The following SLC22A2 variants were observed in gnomAD, a reference collection of about 807,000 sequenced individuals.
SLC22A2 encodes the protein solute carrier family 22 member 2, also known as organic cation transporter 2.
A neutral mutation model predicts 60.5 loss-of-function variants in SLC22A2; 46 were observed. The ratio of observed to expected loss-of-function variants is 0.76; its 90% CI spans 0.60 to 0.97. SLC22A2 has a LOEUF of 0.97. Among genes scored for constraint, SLC22A2 ranks in the 50% least tolerant of loss-of-function variants. The probability of loss-of-function intolerance (pLI) is 0.00; values close to 1 mark genes in which losing one functional copy is unlikely to be tolerated. For synonymous variants in SLC22A2, 303 were observed against 267.0 expected (o/e 1.13, Z -1.31); for missense variants, 701 against 706.6 (o/e 0.99, Z 0.09).
intron 9 of SLC22A2, among the ~76,000 whole-genome samples, chr6:160,239,921 T>C (rs1246426226): frequency 2.0e-5 from 3 of 152,122 alleles, no homozygotes; most frequent in Non-Finnish European, 2.9e-5. Flanking sequence ...TGGAAAATTT[T>C]CCCCCTCACA....
chr6:160,231,903 T>C (rs1396663565), intron 9 of SLC22A2, among the ~76,000 whole-genome samples: 1 of 151,902 alleles, frequency 6.6e-6, no homozygotes, highest in African/African-American at 2.4e-5. Flanking sequence ...GGAATTCTTA[T>C]ACAAGGACCA....
At chr6:160,235,608 T>C (rs1202110073) in intron 9 of SLC22A2, among the ~76,000 whole-genome samples, 4 of 131,794 alleles carry the variant, frequency 3.0e-5, no homozygotes, top group East Asian at 2.3e-4. Context: ...TGTGTGTGAA[T>C]ATATTGGCTA....
intron 2 of SLC22A2, among the ~76,000 whole-genome samples, chr6:160,256,267 A>T (rs1783270484): frequency 6.6e-6 from 1 of 152,122 alleles, no homozygotes; most frequent in Non-Finnish European, 1.5e-5. Context: ...GCTGATGGCC[A>T]GGTGGATGGT....
Position 160,232,573 on chromosome 6 carries a change from T to A in SLC22A2, c.1502-7769A>T, listed in dbSNP as rs201027412. 2.5e-4 allele frequency among the ~76,000 whole-genome samples: 38 copies of A among 149,646 alleles called. 1 individual carries two copies. The highest frequency in any genetic ancestry group is 9.2e-4 in the African/African-American group (37 of 40,236). ...GGGTCCTCCATCATTAATGCCTCTT[T>A]AAAAAAAAAACATTTCTCAAAGCTG... On this transcript the variant is annotated intron_variant, in intron 9 of 10. Transcript: ENST00000366953.
rs758518577 is a variant in SLC22A2 at position 160,217,410 on chromosome 6, A to T, written c.*22T>A. Reference sequence around the variant, plus strand: ...TTGCTGCCATCAAAGCTAGGTCATGACAGCAGCAACGGTCTCTCTTCTTAG... The same window carrying T: ...TTGCTGCCATCAAAGCTAGGTCATGTCAGCAGCAACGGTCTCTCTTCTTAG... On this transcript the variant is annotated 3_prime_UTR_variant, in exon 11 of 11. Transcript: ENST00000366953. The T allele has an allele frequency of 2.0e-6, 3 of 1,531,232 alleles. No individual in the cohort carries two copies. Among genetic ancestry groups the T allele is most frequent in the South Asian group, 1.1e-5 (1 of 88,336 alleles). The allele number at this position is 1,531,232 out of a possible 1,614,324, so 94.9% of individuals were successfully genotyped here.
intron 7 of SLC22A2, 89 bp from the exon 8 acceptor site, chr6:160,242,491 C>A: frequency 2.5e-6 from 2 of 794,686 alleles, no homozygotes; most frequent in Non-Finnish European, 4.5e-6. Context: ...AGGACAAATT[C>A]CCCATCCCAG....
chr6:160,230,711 C>T (rs954751841), intron 9 of SLC22A2, among the ~76,000 whole-genome samples: 7 of 151,972 alleles, frequency 4.6e-5, no homozygotes, highest in African/African-American at 1.7e-4. Context: ...CTCCAAATGC[C>T]TGAACCGCAG....
Position 160,256,656 on chromosome 6 carries a change from C to A in SLC22A2, c.476G>T (p.Gly159Val). The change falls in exon 2 of 11, where the codon GGA becomes GTA. Residue 159 changes from glycine to valine, a missense_variant. Gly to Val is a moderately radical substitution (Grantham distance 109). Coordinates refer to ENST00000366953, the MANE Select transcript of SLC22A2 (RefSeq NM_003058.4). ...GATACTCATAGAGCCAATAAAGAAT[C>A]CTACATTCACTGATGACTGGAATAG... is the stretch of plus-strand genomic sequence containing the variant. ...LDLFQSSVNV[G>V]FFIGSMSIGY... 6.2e-7 allele frequency: 1 copy of A among 1,614,074 alleles called. No homozygotes were observed. Among genetic ancestry groups the A allele is most frequent in the Non-Finnish European group, 8.5e-7 (1 of 1,179,956 alleles).
intron 10 of SLC22A2, among the ~76,000 whole-genome samples, chr6:160,221,541 G>A (rs1782644536): frequency 6.6e-6 from 1 of 152,188 alleles, no homozygotes; most frequent in South Asian, 2.1e-4. Context: ...GCTTATGCTG[G>A]CTTTCAACAT....
At chr6:160,256,119 T>C (rs766065405) in intron 2 of SLC22A2, among the ~76,000 whole-genome samples, 1 of 151,964 alleles carries the variant, frequency 6.6e-6, no homozygotes, top group African/African-American at 2.4e-5. Flanking sequence ...TATATGGTCA[T>C]ATATGGCCCC....
At chr6:160,249,046 T>A (rs1783140589) in intron 4 of SLC22A2, among the ~76,000 whole-genome samples, 170 bp downstream of exon 4, 1 of 152,044 alleles carries the variant, frequency 6.6e-6, no homozygotes, top group Non-Finnish European at 1.5e-5. Flanking sequence ...GACGGAGAGG[T>A]GAAGCTTGTG....
At chr6:160,241,910 T>C (rs1465794421) in intron 8 of SLC22A2, among the ~76,000 whole-genome samples, 1 of 150,812 alleles carries the variant, frequency 6.6e-6, no homozygotes, top group African/African-American at 2.4e-5. Flanking sequence ...ATTCCATTCA[T>C]ATTCTGTCAT....
chr6:160,245,688 C>A, intron 5 of SLC22A2, 143 bp from the exon 6 acceptor site: 2 of 358,762 alleles, frequency 5.6e-6, no homozygotes, highest in East Asian at 4.3e-5. Context: ...TACTGTGTCC[C>A]ATTTCATTTT....
chr6:160,246,528 C>A (rs150497590), intron 5 of SLC22A2, among the ~76,000 whole-genome samples: 167 of 152,190 alleles, frequency 1.1e-3, no homozygotes, highest in African/African-American at 3.9e-3. Context: ...TGGTGGATCA[C>A]CTGAGGTCAG....
chr6:160,217,168 T>C lies in SLC22A2; in HGVS notation c.*264A>G, dbSNP rs557341425. On this transcript the variant is annotated 3_prime_UTR_variant, in exon 11 of 11. Coordinates refer to ENST00000366953, the MANE Select transcript of SLC22A2 (RefSeq NM_003058.4). ...AATCAAATTTAAAAAAATACAAAGATGGAAAAAAAACCCTCCAGAAAACCA... is the reference window on the plus strand; with the variant it reads ...AATCAAATTTAAAAAAATACAAAGACGGAAAAAAAACCCTCCAGAAAACCA... 5.9e-6 allele frequency: 2 copies of C among 341,326 alleles called. No homozygotes were observed. Among genetic ancestry groups the C allele is most frequent in the African/African-American group, 4.3e-5 (2 of 47,014 alleles). The allele number at this position is 341,326 out of a possible 1,614,324, so 21.1% of individuals were successfully genotyped here. A position where few individuals can be genotyped will look rare whatever the true frequency, so the allele number is the denominator to read the frequency against.
intron 7 of SLC22A2, among the ~76,000 whole-genome samples, chr6:160,242,715 C>G (rs1029276071): frequency 6.6e-6 from 1 of 152,030 alleles, no homozygotes; most frequent in Non-Finnish European, 1.5e-5. Flanking sequence ...CATTCCACCC[C>G]CCACTGCCCA....
intron 9 of SLC22A2, among the ~76,000 whole-genome samples, chr6:160,226,953 C>A (rs1782734530): frequency 6.6e-6 from 1 of 152,124 alleles, no homozygotes; most frequent in Admixed American, 6.5e-5. Flanking sequence ...ACTGACACAA[C>A]AGACTCTTTG....
intron 9 of SLC22A2, among the ~76,000 whole-genome samples, chr6:160,233,364 G>C (rs771750943): frequency 1.3e-5 from 2 of 151,736 alleles, no homozygotes; most frequent in Non-Finnish European, 2.9e-5. Flanking sequence ...CACCCAAGCA[G>C]TTTCTCAGGC....
intron 6 of SLC22A2, 25 bp from the exon 7 acceptor site, chr6:160,243,811 C>A: frequency 1.3e-6 from 2 of 1,552,718 alleles, no homozygotes; most frequent in South Asian, 2.2e-5. Flanking sequence ...GAGTTCAGGT[C>A]AAGTCAAGCA....
Sources: allele counts gnomAD v4.1 joint callset (sites outside exome capture counted in the v4.1 genomes callset), GRCh38; gene constraint gnomAD v4.1.1; transcripts MANE v1.5; gene names NCBI Gene and HGNC (gene_info 2026-07-23, HGNC 2026-07-21).